Variants in CTTN observed in about 807,000 individuals in gnomAD.
CTTN encodes src substrate cortactin.
A neutral mutation model predicts 84.0 loss-of-function variants in CTTN; 28 were observed. The ratio of observed to expected loss-of-function variants is 0.33; its 90% CI spans 0.25 to 0.46. The LOEUF is 0.46. Ranked by LOEUF, CTTN falls within the 20% of genes least tolerant of loss-of-function variation. The pLI is 1.00. For missense variants in CTTN, 641 were observed against 723.8 expected, an observed-to-expected ratio of 0.89 and a Z score of 1.31; for synonymous variants, 301 against 288.8, an observed-to-expected ratio of 1.04 and a Z score of -0.43.
chr11:70,402,637 C>A (rs1017239768), intron 1 of CTTN, among the ~76,000 whole-genome samples: 3 of 152,216 alleles, frequency 2.0e-5, no homozygotes, highest in African/African-American at 7.2e-5. Context: ...TTTGAGGTCC[C>A]TCCACGCTGT....
In CTTN at chr11:70,429,317, A is replaced by G. The variant is rs2058330695; in HGVS notation, c.1176+118A>G. On this transcript the variant is annotated intron_variant, in intron 14 of 17. Transcript: ENST00000301843. ...CCTGGCCAGGTTTTCCTTGGAAGGC[A>G]TGTTTAACTCTCCTTTAAGGCTCTC... 6.1e-6 allele frequency: 7 copies of G among 1,145,548 alleles called. No individual in the cohort carries two copies. The East Asian group carries it at 1.0e-4, about 17-fold the overall frequency. 71.0% of individuals were successfully genotyped at this position (1,145,548 alleles called of 1,614,324 possible).
Position 70,407,369 on chromosome 11 carries a change from C to T in CTTN, c.72C>T (p.Thr24=), listed in dbSNP as rs2298397. 327,228 of 1,588,560 alleles carry T rather than the reference C, an allele frequency of 0.21. 35,219 individuals are homozygous for T. Among genetic ancestry groups the T allele is most frequent in the Admixed American group, 0.26 (14,320 of 54,810 alleles). ...ACGCGGGGGCCGATGACTGGGAGAC[C>T]GACCCTGATTTTGTGGTAGGAGCCG... ...QDDAGADDWE[T]DPDFVNDVSE... The change falls in exon 3 of 18, where the codon ACC becomes ACT. Residue 24 remains threonine, a synonymous_variant. Coordinates refer to ENST00000301843, the MANE Select transcript of CTTN (RefSeq NM_005231.4).
intron 1 of CTTN, among the ~76,000 whole-genome samples, chr11:70,403,159 G>A (rs1412376235): frequency 7.1e-5 from 10 of 140,978 alleles, no homozygotes; most frequent in East Asian, 2.0e-4. Context: ...GGGGTTATTC[G>A]TCCTTTTTAT....
chr11:70,412,880 T>C (rs1316458236), intron 5 of CTTN, among the ~76,000 whole-genome samples: 1 of 152,256 alleles, frequency 6.6e-6, no homozygotes, highest in African/African-American at 2.4e-5. Context: ...AAACTTTGCC[T>C]AGTTGTCATT....
At chr11:70,428,312 C>T (rs1368211221) in intron 13 of CTTN, among the ~76,000 whole-genome samples, 1 of 151,706 alleles carries the variant, frequency 6.6e-6, no homozygotes, top group Non-Finnish European at 1.5e-5. Flanking sequence ...ATTACAGGTG[C>T]CTGCCACCAA....
In CTTN at chr11:70,427,326, G is replaced by A. The variant is rs991754354; in HGVS notation, c.1028-1725G>A. ...ATTGCGCCACTGCACTCCAGCCTGG[G>A]CGACAACAGCTAAACTCCATCTCAA... is the stretch of plus-strand genomic sequence containing the variant. On this transcript the variant is annotated intron_variant, in intron 13 of 17. Coordinates refer to ENST00000301843, the MANE Select transcript of CTTN (RefSeq NM_005231.4). 3.3e-5 allele frequency among the ~76,000 whole-genome samples: 5 copies of A among 152,164 alleles called. No individual in the cohort carries two copies. The Middle Eastern group carries it at 0.01, about 311-fold the overall frequency.
intron 6 of CTTN, among the ~76,000 whole-genome samples, chr11:70,415,097 T>C (rs929556277): frequency 4.6e-5 from 7 of 152,280 alleles, no homozygotes; most frequent in African/African-American, 1.7e-4. Context: ...GGCTCGGGTC[T>C]GTTGGCTCTT....
intron 15 of CTTN, 95 bp downstream of exon 15, chr11:70,431,375 TGTGGC>T (rs763754314): frequency 3.0e-5 from 40 of 1,336,108 alleles, no homozygotes; most frequent in South Asian, 1.3e-4. Context: ...AGGCAGGCAG[TGTGGC>T]GTGGGTGTAG....
At chr11:70,427,200 A>G (rs2058309387) in intron 13 of CTTN, among the ~76,000 whole-genome samples, 1 of 152,058 alleles carries the variant, frequency 6.6e-6, no homozygotes, top group Non-Finnish European at 1.5e-5. Flanking sequence ...AGATACAAAA[A>G]GTAGCTGGGC....
chr11:70,409,685 A>G (rs904212752), intron 4 of CTTN, 146 bp from the exon 5 acceptor site: 46 of 882,688 alleles, frequency 5.2e-5, no homozygotes, highest in Non-Finnish European at 8.0e-5. Flanking sequence ...AGGAAGGCAC[A>G]GTGCAGGGAG....
Position 70,420,012 on chromosome 11 carries a change from C to A in CTTN, c.679+156C>A, listed in dbSNP as rs137991952. ...AACTTGAAAACGGCACATCCAGAAA[C>A]ACAGCTGCTAAATAGGAACTCGCAG... On this transcript the variant is annotated intron_variant, in intron 9 of 17. Coordinates refer to ENST00000301843, the MANE Select transcript of CTTN (RefSeq NM_005231.4). 197 of 644,044 alleles carry A rather than the reference C, an allele frequency of 3.1e-4. 2 individuals are homozygous for A. Among genetic ancestry groups the A allele is most frequent in the African/African-American group, 3.0e-3 (164 of 54,496 alleles). The allele number at this position is 644,044 out of a possible 1,614,324, so 39.9% of individuals were successfully genotyped here.
chr11:70,424,592 C>G (rs1190628829), intron 12 of CTTN, among the ~76,000 whole-genome samples: 1 of 152,012 alleles, frequency 6.6e-6, no homozygotes, highest in Non-Finnish European at 1.5e-5. Context: ...GGTGATGGGA[C>G]CCAGTAAGGC....
chr11:70,436,073 G>A lies in CTTN; in HGVS notation c.*911G>A. The A allele has an allele frequency of 7.0e-7, 1 of 1,424,836 alleles. No homozygotes were observed. The highest frequency in any genetic ancestry group is 9.1e-7 in the Non-Finnish European group (1 of 1,095,378). The allele number at this position is 1,424,836 out of a possible 1,614,324, so 88.3% of individuals were successfully genotyped here. On this transcript the variant is annotated 3_prime_UTR_variant, in exon 18 of 18. Coordinates refer to ENST00000301843, the MANE Select transcript of CTTN (RefSeq NM_005231.4). Reference sequence around the variant, plus strand: ...TGGCCTCTCGGCCTTGGGAAGGAAGGCAGTGCCTGCTCTGCTGTGAGCCGC... The same window carrying A: ...TGGCCTCTCGGCCTTGGGAAGGAAGACAGTGCCTGCTCTGCTGTGAGCCGC...
In CTTN at chr11:70,409,953, T is replaced by TG. The variant is rs1407593262; in HGVS notation, c.286dup (p.Asp96GlyfsTer2). ...AAATTTGGTGTGGAACAAGACCGAA[T>TG]GGATAAGGTAAGTGGCCCGCGGCTG... On this transcript the variant is annotated frameshift_variant, in exon 5 of 18. Transcript: ENST00000301843. LOFTEE classifies it high-confidence loss of function. 1 of 1,613,946 alleles carries TG rather than the reference T, an allele frequency of 6.2e-7. No homozygotes were observed. Among genetic ancestry groups the TG allele is most frequent in the East Asian group, 2.2e-5 (1 of 44,876 alleles).
At chr11:70,417,356 T>C (rs567412587) in intron 8 of CTTN, among the ~76,000 whole-genome samples, 1 of 151,944 alleles carries the variant, frequency 6.6e-6, no homozygotes, top group Non-Finnish European at 1.5e-5. Context: ...ATTTAGGTTA[T>C]TTATTTATTT....
chr11:70,424,517 A>ACCC (rs1256338124), intron 12 of CTTN, among the ~76,000 whole-genome samples: 1 of 152,104 alleles, frequency 6.6e-6, no homozygotes, highest in Non-Finnish European at 1.5e-5. Context: ...GGATAGGGCT[A>ACCC]CAACCCAGGC....
rs199512252 is a variant in CTTN at position 70,415,751 on chromosome 11, C to T, written c.457+34C>T. The stretch of plus-strand genomic sequence containing the variant: ...CGAAAGGTGCAGAAAGAGCCCGCTC[C>T]GGGGGCCCCGATGGGGAGAGTCACA... On this transcript the variant is annotated intron_variant, in intron 7 of 17. Coordinates refer to ENST00000301843, the MANE Select transcript of CTTN (RefSeq NM_005231.4). The T allele has an allele frequency of 4.4e-5, 71 of 1,610,602 alleles. No homozygotes were observed. In the East Asian group the frequency reaches 1.4e-3, roughly 31 times the overall value.
At position 70,435,593 on chromosome 11, in the gene CTTN, A is replaced by C; in HGVS notation, c.*431A>C. The C allele has an allele frequency of 6.3e-7, 1 of 1,575,160 alleles. No individual in the cohort carries two copies. Among genetic ancestry groups the C allele is most frequent in the Non-Finnish European group, 8.6e-7 (1 of 1,167,988 alleles). On this transcript the variant is annotated 3_prime_UTR_variant, in exon 18 of 18. Coordinates refer to ENST00000301843, the MANE Select transcript of CTTN (RefSeq NM_005231.4). ...GCGGGTAGGCAGGAAGGACTGTCCC[A>C]GACGAGGGGCTTCCTCTAGAGTCTC...
At chr11:70,404,738 C>T (rs1427749585) in intron 1 of CTTN, among the ~76,000 whole-genome samples, 1 of 152,378 alleles carries the variant, frequency 6.6e-6, no homozygotes, top group East Asian at 1.9e-4. Flanking sequence ...CGCCATGCCT[C>T]ACACCTGTAA....
Sources: gnomAD v4.1 joint callset for allele counts (sites outside exome capture counted in the v4.1 genomes callset) on GRCh38, gnomAD v4.1.1 for gene constraint, MANE v1.5 for transcripts, NCBI Gene and HGNC (gene_info 2026-07-23, HGNC 2026-07-21) for gene names.